CADM2: variants seen among roughly 807,000 people sequenced by gnomAD.
CADM2 encodes the protein cell adhesion molecule 2, also known as immunoglobulin superfamily member 4D.
In CADM2, 12 loss-of-function variants were observed where a neutral mutation model predicts 49.8. The ratio of observed to expected loss-of-function variants is 0.24; its 90% CI spans 0.15 to 0.39. The LOEUF (loss-of-function observed/expected upper bound fraction) is 0.39, where lower values mean the gene tolerates loss of function less well. Among genes scored for constraint, CADM2 ranks in the 10% least tolerant of loss-of-function variants. The probability of loss-of-function intolerance (pLI) is 1.00; values close to 1 mark genes in which losing one functional copy is unlikely to be tolerated. For missense variants in CADM2, 378 were observed against 492.3 expected, an observed-to-expected ratio of 0.77 and a Z score of 2.20; for synonymous variants, 214 against 175.4, an observed-to-expected ratio of 1.22 and a Z score of -1.74.
intron 2 of CADM2, among the ~76,000 whole-genome samples, chr3:85,767,570 T>A (rs2069721311): frequency 6.6e-6 from 1 of 152,202 alleles, no homozygotes; most frequent in African/African-American, 2.4e-5. Context: ...TGATCTTTTA[T>A]TCTATCACCC....
In CADM2 at chr3:86,073,509, C is replaced by A. The variant is rs936925570; in HGVS notation, c.*6726C>A. On this transcript the variant is annotated 3_prime_UTR_variant, in exon 10 of 10. Coordinates refer to ENST00000383699, the MANE Select transcript of CADM2 (RefSeq NM_001167675.2). ...TACAAAGTATTCAATGTGTACTTAGCGGCGCTTAAAATATGTCATGTACAA... is the reference window on the plus strand; with the variant it reads ...TACAAAGTATTCAATGTGTACTTAGAGGCGCTTAAAATATGTCATGTACAA... 6.6e-6 allele frequency: 1 copy of A among 151,924 alleles called. No homozygotes were observed. The highest frequency in any genetic ancestry group is 2.1e-4 in the South Asian group (1 of 4,826). The allele number at this position is 151,924 out of a possible 1,614,324, so 9.4% of individuals were successfully genotyped here.
chr3:85,270,616 TGTG>T (rs936004435), intron 1 of CADM2, among the ~76,000 whole-genome samples: 4 of 151,144 alleles, frequency 2.6e-5, no homozygotes, highest in African/African-American at 9.7e-5. Flanking sequence ...CTGGCCATGA[TGTG>T]GTGAGATAAA....
chr3:85,040,885 G>A lies in CADM2; in HGVS notation c.61+81217G>A, dbSNP rs888937702. Among the ~76,000 whole-genome samples the A allele has an allele frequency of 4.6e-5, 7 of 152,230 alleles. No individual in the cohort carries two copies. The South Asian group carries it at 8.3e-4, about 18-fold the overall frequency. On this transcript the variant is annotated intron_variant, in intron 1 of 9. Transcript: ENST00000383699. Reference sequence around the variant, plus strand: ...TTACATGAGCATTTTATTACATGATGTAAGAAATAATATTACAGGAGTTTG... The same window carrying A: ...TTACATGAGCATTTTATTACATGATATAAGAAATAATATTACAGGAGTTTG...
At chr3:85,631,483 C>G (rs1035458505) in intron 1 of CADM2, among the ~76,000 whole-genome samples, 6 of 151,928 alleles carry the variant, frequency 3.9e-5, no homozygotes, top group Non-Finnish European at 8.8e-5. Flanking sequence ...AACAGAAAAT[C>G]TAGGCTGTAG....
chr3:85,251,236 T>G (rs1197885947), intron 1 of CADM2, among the ~76,000 whole-genome samples: 2 of 151,854 alleles, frequency 1.3e-5, no homozygotes, highest in South Asian at 4.1e-4. Flanking sequence ...AAATTTTCAT[T>G]TGTTAAGCAT....
intron 3 of CADM2, among the ~76,000 whole-genome samples, chr3:85,856,884 T>C (rs1453213671): frequency 2.0e-5 from 3 of 152,190 alleles, no homozygotes; most frequent in Admixed American, 1.3e-4. Flanking sequence ...CGGGGTAGGA[T>C]GGGCAAATCA....
At chr3:84,962,214 T>C (rs2030596803) in intron 1 of CADM2, among the ~76,000 whole-genome samples, 1 of 151,056 alleles carries the variant, frequency 6.6e-6, no homozygotes, top group African/African-American at 2.4e-5. Context: ...TCCATGTCTG[T>C]GGACTTAGGA....
intron 1 of CADM2, among the ~76,000 whole-genome samples, chr3:85,089,260 T>A (rs963705517): frequency 3.5e-4 from 53 of 152,210 alleles, no homozygotes; most frequent in African/African-American, 1.2e-3. Context: ...TTAAAAAAAA[T>A]AACTTTCAGA....
chr3:85,059,006 G>A (rs577190795), intron 1 of CADM2, among the ~76,000 whole-genome samples: 23 of 151,554 alleles, frequency 1.5e-4, no homozygotes, highest in African/African-American at 5.6e-4. Context: ...TGCATCTGCC[G>A]AGGTGGGCGG....
At chr3:85,634,222 A>C (rs2064393077) in intron 1 of CADM2, among the ~76,000 whole-genome samples, 1 of 152,044 alleles carries the variant, frequency 6.6e-6, no homozygotes, top group South Asian at 2.1e-4. Flanking sequence ...ATATGCTACT[A>C]CTCTTCCACA....
chr3:85,618,519 C>T (rs192429109), intron 1 of CADM2, among the ~76,000 whole-genome samples: 3 of 152,150 alleles, frequency 2.0e-5, no homozygotes, highest in African/African-American at 4.8e-5. Context: ...TGTACTGTTG[C>T]TTAATTCTCT....
intron 1 of CADM2, among the ~76,000 whole-genome samples, chr3:85,667,337 G>A (rs946380934): frequency 6.6e-6 from 1 of 151,924 alleles, no homozygotes; most frequent in African/African-American, 2.4e-5. Context: ...ATTCCAACCT[G>A]TAATCAATAT....
chr3:85,854,262 A>C (rs1699940257), intron 3 of CADM2, among the ~76,000 whole-genome samples: 1 of 152,162 alleles, frequency 6.6e-6, no homozygotes, highest in Non-Finnish European at 1.5e-5. Flanking sequence ...CATTTGACTC[A>C]GCAATCCCAC....
At chr3:85,241,719 A>G (rs967119279) in intron 1 of CADM2, among the ~76,000 whole-genome samples, 4 of 151,526 alleles carry the variant, frequency 2.6e-5, no homozygotes, top group Non-Finnish European at 5.9e-5. Flanking sequence ...ATTCATTCAT[A>G]TGTATATGTA....
At chr3:85,788,973 T>C (rs1358124420) in intron 2 of CADM2, among the ~76,000 whole-genome samples, 1 of 152,118 alleles carries the variant, frequency 6.6e-6, no homozygotes, top group Non-Finnish European at 1.5e-5. Context: ...GTGACTTTCT[T>C]TACTATATCA....
chr3:85,958,819 G>A lies in CADM2; in HGVS notation c.792-2650G>A, dbSNP rs1314950982. On this transcript the variant is annotated intron_variant, in intron 7 of 9. Transcript: ENST00000383699. ...AAGAACAGAAAACCAAACACTTCAT[G>A]TTCTCACTCATAAGTGGGAGTTGAA... Among the ~76,000 whole-genome samples, 3 of 151,846 alleles carry A rather than the reference G, an allele frequency of 2.0e-5. No homozygotes were observed. The East Asian group carries it at 5.9e-4, about 30-fold the overall frequency.
intron 1 of CADM2, chr3:85,385,852 T>C (rs558349495): frequency 6.9e-5 from 10 of 145,404 alleles, no homozygotes; most frequent in Non-Finnish European, 1.3e-4. Context: ...AAATTGAACA[T>C]TCTCGCTTTG....
chr3:85,297,914 G>T (rs567561775), intron 1 of CADM2, among the ~76,000 whole-genome samples: 1 of 152,130 alleles, frequency 6.6e-6, no homozygotes, highest in South Asian at 2.1e-4. Flanking sequence ...TAGGAATCAT[G>T]TAATAAATAT....
intron 2 of CADM2, among the ~76,000 whole-genome samples, chr3:85,779,944 G>A (rs910564099): frequency 2.0e-5 from 3 of 152,110 alleles, no homozygotes; most frequent in African/African-American, 7.2e-5. Flanking sequence ...TTGAACTGGT[G>A]AAGATATAGA....
Sources: gnomAD v4.1 joint callset for allele counts (sites outside exome capture counted in the v4.1 genomes callset) on GRCh38, gnomAD v4.1.1 for gene constraint, MANE v1.5 for transcripts, NCBI Gene and HGNC (gene_info 2026-07-23, HGNC 2026-07-21) for gene names.